The following PPP2R2B variants were observed in gnomAD, a reference collection of about 807,000 sequenced individuals.
PPP2R2B encodes serine/threonine-protein phosphatase 2A 55 kDa regulatory subunit B beta isoform.
In PPP2R2B, 5 loss-of-function variants were observed where a neutral mutation model predicts 46.0. That is an observed-to-expected ratio of 0.11 (90% CI 0.06 to 0.23). PPP2R2B has a LOEUF of 0.23. PPP2R2B is among the 10% of genes least tolerant of loss of function. The pLI, the probability that PPP2R2B is intolerant of heterozygous loss-of-function variation, is 1.00. For synonymous variants in PPP2R2B, 215 were observed against 206.7 expected, an observed-to-expected ratio of 1.04 and a Z score of -0.34; for missense variants, 367 against 575.0, an observed-to-expected ratio of 0.64 and a Z score of 3.70.
intron 1 of PPP2R2B, among the ~76,000 whole-genome samples, chr5:146,927,203 A>G (rs1259425061): frequency 6.6e-6 from 1 of 152,154 alleles, no homozygotes; most frequent in Non-Finnish European, 1.5e-5. Context: ...CAGAGCACAA[A>G]TAGTTGAAGT....
Position 146,682,086 on chromosome 5 carries a change from G to A in PPP2R2B, c.447+9042C>T, listed in dbSNP as rs536249736. ...ACAAAGAGAACTCGATCCTAAACCA[G>A]GTATAGGGTTCTGCTTATATTTACG... On this transcript the variant is annotated intron_variant, in intron 5 of 9. Transcript: ENST00000394411. Among the ~76,000 whole-genome samples the A allele has an allele frequency of 3.3e-5, 5 of 152,286 alleles. No homozygotes were observed. In the South Asian group the frequency reaches 8.3e-4, roughly 25 times the overall value.
chr5:146,887,644 A>T (rs1396875826), intron 1 of PPP2R2B, among the ~76,000 whole-genome samples: 1 of 152,222 alleles, frequency 6.6e-6, no homozygotes, highest in African/African-American at 2.4e-5. Context: ...GAAAGATGTG[A>T]TATATAATTC....
chr5:147,034,891 CTT>C (rs1755961652), intron 1 of PPP2R2B, among the ~76,000 whole-genome samples: 1 of 151,430 alleles, frequency 6.6e-6, no homozygotes, highest in African/African-American at 2.4e-5. Context: ...ATAAGATAGA[CTT>C]TGGATAACTG....
chr5:146,985,895 G>T (rs1753407822), intron 1 of PPP2R2B, among the ~76,000 whole-genome samples: 1 of 151,984 alleles, frequency 6.6e-6, no homozygotes. Context: ...CACAAAAATT[G>T]GTATCATTTC....
intron 2 of PPP2R2B, among the ~76,000 whole-genome samples, chr5:146,728,627 A>G (rs1752030831): frequency 1.3e-5 from 2 of 152,180 alleles, no homozygotes; most frequent in African/African-American, 4.8e-5. Flanking sequence ...TGTATGTCCT[A>G]GAATTCCCAT....
intron 1 of PPP2R2B, chr5:147,035,114 T>C: frequency 4.4e-6 from 2 of 456,020 alleles, no homozygotes; most frequent in East Asian, 7.0e-5. Flanking sequence ...ACAGCTATTG[T>C]ATAAATAACT....
At chr5:146,869,315 A>G (rs1371470440) in intron 2 of PPP2R2B, among the ~76,000 whole-genome samples, 1 of 152,234 alleles carries the variant, frequency 6.6e-6, no homozygotes, top group African/African-American at 2.4e-5. Context: ...GAAGGAGGAC[A>G]TTTAAACAAA....
chr5:146,599,906 G>T (rs73317453), intron 8 of PPP2R2B, among the ~76,000 whole-genome samples: 2,590 of 152,234 alleles, frequency 0.017, 79 homozygotes, highest in African/African-American at 0.059. Flanking sequence ...TGGCAGTTAA[G>T]ACTCAGTTTA....
At chr5:146,859,885 G>A (rs1017406320) in intron 2 of PPP2R2B, among the ~76,000 whole-genome samples, 1 of 152,104 alleles carries the variant, frequency 6.6e-6, no homozygotes, top group Non-Finnish European at 1.5e-5. Flanking sequence ...AAAGGAGGTA[G>A]TATGAAGGAC....
At chr5:147,057,162 T>C (rs568202591), upstream of PPP2R2B, among the ~76,000 whole-genome samples, 2 of 152,284 alleles carry the variant, frequency 1.3e-5, no homozygotes, top group African/African-American at 2.4e-5. Context: ...ACCATGGTCA[T>C]GTCAATCCAT....
At chr5:146,778,357 CAA>C (rs1414340840) in intron 2 of PPP2R2B, among the ~76,000 whole-genome samples, 6 of 152,126 alleles carry the variant, frequency 3.9e-5, no homozygotes. Context: ...ATTGTCTTCA[CAA>C]AAGTGTTTCC....
chr5:146,896,589 A>G (rs319174), intron 1 of PPP2R2B, among the ~76,000 whole-genome samples: 71,365 of 152,024 alleles, frequency 0.47, 18,060 homozygotes, highest in East Asian at 0.7. Flanking sequence ...CAAAGAAGCT[A>G]TTCAGTTTGA....
intron 2 of PPP2R2B, among the ~76,000 whole-genome samples, chr5:146,771,781 T>A (rs1028954253): frequency 6.6e-6 from 1 of 152,132 alleles, no homozygotes; most frequent in African/African-American, 2.4e-5. Context: ...CCTACTGCAG[T>A]TAAAAGAGGG....
Position 146,842,701 on chromosome 5 carries a change from C to G in PPP2R2B, c.70+35301G>C, listed in dbSNP as rs1759738141. On this transcript the variant is annotated intron_variant, in intron 2 of 9. Coordinates refer to ENST00000394411, the MANE Select transcript of PPP2R2B (RefSeq NM_181675.4). The stretch of plus-strand genomic sequence containing the variant: ...GTTCCTCTCTATGTATCCGTGTGTT[C>G]TCATCATTTAGCTCCCACTTATAAG... Among the ~76,000 whole-genome samples, 4 of 152,014 alleles carry G rather than the reference C, an allele frequency of 2.6e-5. No homozygotes were observed. The South Asian group carries it at 8.3e-4, about 32-fold the overall frequency.
chr5:146,954,756 A>ATGTGTGTGTGTG lies in PPP2R2B; in HGVS notation c.79+100897_79+100908dup, dbSNP rs149370877. Among the ~76,000 whole-genome samples, 161 of 146,742 alleles carry ATGTGTGTGTGTG rather than the reference A, an allele frequency of 1.1e-3. 2 individuals carry two copies. Among genetic ancestry groups the ATGTGTGTGTGTG allele is most frequent in the South Asian group, 3.8e-3 (17 of 4,466 alleles). ...TATACATATATGAATATGTGTATATATGTGTGTGTGTGTGTGTGTGTGTGT... is the reference window on the plus strand; with the variant it reads ...TATACATATATGAATATGTGTATATATGTGTGTGTGTGTGTGTGTGTGTGTGTGTGTGTGTGT... On this transcript the variant is annotated intron_variant, in intron 1 of 8. Transcript: ENST00000336640.
intron 5 of PPP2R2B, among the ~76,000 whole-genome samples, chr5:146,690,702 T>C (rs994028364): frequency 6.6e-6 from 1 of 152,158 alleles, no homozygotes; most frequent in African/African-American, 2.4e-5. Flanking sequence ...TAAATGACTA[T>C]TGGGAAATTT....
At chr5:146,831,498 C>CA (rs34975709) in intron 2 of PPP2R2B, among the ~76,000 whole-genome samples, 661 of 54,852 alleles carry the variant, frequency 0.012, 7 homozygotes, top group Middle Eastern at 0.021. Context: ...CTCCATCTCT[C>CA]AAAAAAAAAA....
At chr5:146,964,825 G>A (rs569862469) in intron 1 of PPP2R2B, among the ~76,000 whole-genome samples, 2 of 152,146 alleles carry the variant, frequency 1.3e-5, no homozygotes, top group East Asian at 1.9e-4. Context: ...GCACCTGACC[G>A]GCATCTCCTA....
intron 1 of PPP2R2B, among the ~76,000 whole-genome samples, chr5:146,905,690 C>T (rs528326446): frequency 1.3e-5 from 2 of 152,254 alleles, no homozygotes; most frequent in African/African-American, 2.4e-5. Context: ...CTATTAAATA[C>T]CCTCTAAATA....
Sources: gnomAD v4.1 joint callset for allele counts (sites outside exome capture counted in the v4.1 genomes callset) on GRCh38, gnomAD v4.1.1 for gene constraint, MANE v1.5 for transcripts, NCBI Gene and HGNC (gene_info 2026-07-23, HGNC 2026-07-21) for gene names.